Variants in ASPRV1 observed in about 807,000 individuals in gnomAD.
ASPRV1 encodes aspartic peptidase retroviral like 1.
A neutral mutation model predicts 11.0 loss-of-function variants in ASPRV1; 7 were observed. The observed-to-expected ratio is 0.64, with a 90% confidence interval of 0.36 to 1.20. The LOEUF (loss-of-function observed/expected upper bound fraction) is 1.20, where lower values mean the gene tolerates loss of function less well. Among genes scored for constraint, ASPRV1 ranks in the 50% most tolerant of loss-of-function variants. The probability of loss-of-function intolerance (pLI) is 0.02; values close to 1 mark genes in which losing one functional copy is unlikely to be tolerated. For missense variants in ASPRV1, 299 were observed against 320.0 expected (o/e 0.93, Z 0.50); for synonymous variants, 136 against 138.4 (o/e 0.98, Z 0.12).
chr2:70,036,447 T>A, the ASPRV1 span, among the ~76,000 whole-genome samples: 18 of 152,206 alleles, frequency 1.2e-4, 1 homozygote, highest in South Asian at 3.7e-3. Flanking sequence ...GGTGGGATTA[T>A]AAAGAAATGG....
chr2:70,037,331 G>A, the ASPRV1 span, among the ~76,000 whole-genome samples: 56 of 152,266 alleles, frequency 3.7e-4, no homozygotes, highest in African/African-American at 1.3e-3. Context: ...TTCCTAAAGT[G>A]CTGGGATTAC....
the ASPRV1 span, among the ~76,000 whole-genome samples, chr2:69,974,986 C>T: frequency 1.3e-5 from 2 of 152,228 alleles, no homozygotes; most frequent in African/African-American, 4.8e-5. Flanking sequence ...TGACAGTCCT[C>T]CAGAGCTCCT....
At chr2:70,033,276 A>AACACACACACACACACAC in the ASPRV1 span, among the ~76,000 whole-genome samples, 6 of 141,612 alleles carry the variant, frequency 4.2e-5, no homozygotes, top group East Asian at 4.2e-4. Flanking sequence ...TCAAACAGAA[A>AACACACACACACACACAC]ACACACACAC....
At chr2:69,958,401 C>A (rs1487891965), downstream of ASPRV1, among the ~76,000 whole-genome samples, 1 of 152,194 alleles carries the variant, frequency 6.6e-6, no homozygotes, top group Admixed American at 6.5e-5. Flanking sequence ...TCTCCTCACT[C>A]AGAGCAGGGG....
the ASPRV1 span, among the ~76,000 whole-genome samples, chr2:69,948,542 C>T: frequency 6.6e-6 from 1 of 152,188 alleles, no homozygotes; most frequent in Non-Finnish European, 1.5e-5. Flanking sequence ...CAGCTTGGAC[C>T]AGATGCCTTT....
the ASPRV1 span, among the ~76,000 whole-genome samples, chr2:69,989,547 C>A: frequency 1.3e-5 from 2 of 152,196 alleles, no homozygotes; most frequent in Non-Finnish European, 2.9e-5. Flanking sequence ...TGGACCTGCC[C>A]AGCCAGCCCT....
the ASPRV1 span, among the ~76,000 whole-genome samples, chr2:70,061,436 T>TGA: frequency 1.3e-5 from 2 of 151,034 alleles, no homozygotes; most frequent in Non-Finnish European, 2.9e-5. Flanking sequence ...GATAGTTAAT[T>TGA]GAGACATTAT....
At chr2:69,972,382 G>A in the ASPRV1 span, among the ~76,000 whole-genome samples, 1 of 146,866 alleles carries the variant, frequency 6.8e-6, no homozygotes, top group Non-Finnish European at 1.5e-5. Flanking sequence ...TTTCAAGATG[G>A]AGTCTTGCTC....
At chr2:70,050,297 AAAG>A in the ASPRV1 span, 1 of 152,164 alleles carries the variant, frequency 6.6e-6, no homozygotes, top group African/African-American at 2.4e-5. Context: ...AAAGAAAAAA[AAAG>A]AAAAAAGAAA....
chr2:70,022,876 T>A, the ASPRV1 span, among the ~76,000 whole-genome samples: 2 of 151,254 alleles, frequency 1.3e-5, no homozygotes, highest in Middle Eastern at 3.2e-3. Context: ...AAAAAAAAAA[T>A]GAAGAAGGAA....
the ASPRV1 span, among the ~76,000 whole-genome samples, chr2:69,978,512 G>A: frequency 6.6e-6 from 1 of 152,210 alleles, no homozygotes; most frequent in Non-Finnish European, 1.5e-5. Context: ...GCGGATTAAA[G>A]GAGATAACGC....
the ASPRV1 span, chr2:70,081,242 C>T: frequency 1.3e-5 from 2 of 152,130 alleles, no homozygotes; most frequent in Admixed American, 6.5e-5. Flanking sequence ...CACTTCCCAG[C>T]CTGGCATTTA....
the ASPRV1 span, among the ~76,000 whole-genome samples, chr2:69,945,988 TAGGGATAGGGGA>T: frequency 7.0e-6 from 1 of 143,060 alleles, no homozygotes; most frequent in Non-Finnish European, 1.6e-5. Flanking sequence ...GGGAGGGCCT[TAGGGATAGGGGA>T]AAGAGAGAAA....
upstream of ASPRV1, chr2:69,963,179 G>C (rs1299987055): frequency 2.3e-6 from 1 of 436,318 alleles, no homozygotes; most frequent in African/African-American, 2.0e-5. Context: ...TGAGCCAGCA[G>C]AGAGGCAGTT....
the ASPRV1 span, among the ~76,000 whole-genome samples, chr2:70,065,819 CAAAAAAAAAAAAAAA>C: frequency 5.9e-5 from 4 of 67,448 alleles, no homozygotes; most frequent in Non-Finnish European, 7.9e-5. Context: ...GCTTTTGACT[CAAAAAAAAAAAAAAA>C]AAAAAAAAAA....
the ASPRV1 span, chr2:70,045,307 A>G: frequency 6.6e-6 from 1 of 152,222 alleles, no homozygotes; most frequent in Non-Finnish European, 1.5e-5. Flanking sequence ...AAGTTACATA[A>G]CTTCTTTGAC....
upstream of ASPRV1, chr2:69,964,350 G>T (rs930129671): frequency 2.2e-6 from 1 of 455,866 alleles, no homozygotes. Context: ...ACAGAAACAC[G>T]CAGGGGCCTC....
the ASPRV1 span, among the ~76,000 whole-genome samples, chr2:69,934,769 C>A: frequency 6.6e-6 from 1 of 152,216 alleles, no homozygotes; most frequent in African/African-American, 2.4e-5. Context: ...AAAGCACATT[C>A]TCATTCTTTT....
At chr2:69,963,356 AC>A (rs750045358), upstream of ASPRV1, 2 of 456,726 alleles carry the variant, frequency 4.4e-6, no homozygotes, top group Non-Finnish European at 8.8e-6. Context: ...GCCCAGCCAC[AC>A]GCAAGACCAG....
Sources: allele counts gnomAD v4.1 joint callset (sites outside exome capture counted in the v4.1 genomes callset), GRCh38; gene constraint gnomAD v4.1.1; transcripts MANE v1.5; gene names NCBI Gene and HGNC (gene_info 2026-07-23, HGNC 2026-07-21).